Variants in TMEM170A observed in about 807,000 individuals in gnomAD.
TMEM170A encodes transmembrane protein 170.
A neutral mutation model predicts 12.8 loss-of-function variants in TMEM170A; 18 were observed. The observed-to-expected ratio is 1.41, with a 90% CI of 0.97 to 2.09. The LOEUF is 2.09. Ranked by LOEUF, TMEM170A falls within the 30% of genes most tolerant of loss-of-function variation. The probability of loss-of-function intolerance (pLI) is 0.00; values close to 1 mark genes in which losing one functional copy is unlikely to be tolerated. For synonymous variants in TMEM170A, 107 were observed against 76.2 expected (o/e 1.40, Z -2.11); for missense variants, 220 against 179.9 (o/e 1.22, Z -1.28).
chr16:75,452,448 T>A (rs1037778660), intron 1 of TMEM170A, among the ~76,000 whole-genome samples: 5 of 150,860 alleles, frequency 3.3e-5, no homozygotes, highest in Admixed American at 6.6e-5. Flanking sequence ...CTTTTTTTTT[T>A]AATTTTCTTT....
chr16:75,445,521 T>C lies in TMEM170A; in HGVS notation c.*2037A>G, dbSNP rs868311472. 1.2e-4 allele frequency: 19 copies of C among 152,358 alleles called. No homozygotes were observed. The highest frequency in any genetic ancestry group is 4.3e-4 in the African/African-American group (18 of 41,546). 9.4% of individuals were successfully genotyped at this position (152,358 alleles called of 1,614,324 possible). ...TATGTTGCCCAGGCCAGTCTTGAAC[T>C]CTTGGGCTCAAGCAATCCTCCCACA... On this transcript the variant is annotated 3_prime_UTR_variant, in exon 3 of 3. Transcript: ENST00000561878.
intron 1 of TMEM170A, among the ~76,000 whole-genome samples, chr16:75,463,217 TTAATC>T (rs1567706579): frequency 1.3e-5 from 2 of 152,186 alleles, no homozygotes; most frequent in Admixed American, 6.6e-5. Context: ...GAAACAAAGA[TTAATC>T]TGGTCCCAGT....
chr16:75,451,827 C>T lies in TMEM170A; in HGVS notation c.146G>A (p.Gly49Asp), dbSNP rs766543123. The T allele has an allele frequency of 2.5e-6, 4 of 1,612,024 alleles. No individual in the cohort carries two copies. The highest frequency in any genetic ancestry group is 2.7e-5 in the African/African-American group (2 of 74,854). ...SLCSFPEMWY[G>D]VFLWALVSSL... ...AGACACCAGTGCCCACAGGAATACA[C>T]CATACCACATCTCTATGAGGGAAGA... Residue 49 changes from glycine (G) to aspartate (D), a missense_variant, in exon 2 of 3, where the codon GGT becomes GAT. Coordinates refer to ENST00000561878, the MANE Select transcript of TMEM170A (RefSeq NM_145254.3).
In TMEM170A at chr16:75,444,212, TAA is replaced by T. The variant is rs2151620095; in HGVS notation, c.*3344_*3345del. The T allele has an allele frequency of 6.6e-6, 1 of 152,310 alleles. No individual in the cohort carries two copies. Among genetic ancestry groups the T allele is most frequent in the East Asian group, 1.9e-4 (1 of 5,176 alleles). 9.4% of individuals were successfully genotyped at this position (152,310 alleles called of 1,614,324 possible). A position where few individuals can be genotyped will look rare whatever the true frequency, so the allele number is the denominator to read the frequency against. The stretch of plus-strand genomic sequence containing the variant: ...GGCCGGGTGTGGTGGCTCATGCCTG[TAA>T]TCCCAGCACTTTGGGAGGTGGAGGC... On this transcript the variant is annotated 3_prime_UTR_variant, in exon 3 of 3. Transcript: ENST00000561878.
intron 2 of TMEM170A, among the ~76,000 whole-genome samples, chr16:75,449,000 G>A (rs1284851514): frequency 1.3e-5 from 2 of 151,994 alleles, no homozygotes; most frequent in South Asian, 2.1e-4. Context: ...GGTCAAGGCT[G>A]CAGTGAGCTG....
chr16:75,454,344 C>T lies in TMEM170A; in HGVS notation c.134-2505G>A, dbSNP rs188566929. On this transcript the variant is annotated intron_variant, in intron 1 of 2. Transcript: ENST00000561878. ...CTTTATAAGAGCCATGATGGCCGGGCGTGGTAGCTCACACCTGTAATCCCA... is the reference window on the plus strand; with the variant it reads ...CTTTATAAGAGCCATGATGGCCGGGTGTGGTAGCTCACACCTGTAATCCCA... 6.6e-3 allele frequency among the ~76,000 whole-genome samples: 1,005 copies of T among 152,260 alleles called. 11 individuals carry two copies. The highest frequency in any genetic ancestry group is 0.017 in the Middle Eastern group (5 of 294).
At chr16:75,463,582 C>T (rs2079943877) in intron 1 of TMEM170A, among the ~76,000 whole-genome samples, 1 of 152,374 alleles carries the variant, frequency 6.6e-6, no homozygotes, top group South Asian at 2.1e-4. Context: ...TCCCTCTGCT[C>T]TGGTCCCTCA....
chr16:75,452,393 G>T (rs2079705492), intron 1 of TMEM170A, among the ~76,000 whole-genome samples: 1 of 152,174 alleles, frequency 6.6e-6, no homozygotes, highest in South Asian at 2.1e-4. Context: ...TCAGCCTCCG[G>T]AGTGGCTGGA....
chr16:75,459,463 C>G (rs1463744831), intron 1 of TMEM170A, among the ~76,000 whole-genome samples: 1 of 152,188 alleles, frequency 6.6e-6, no homozygotes, highest in African/African-American at 2.4e-5. Flanking sequence ...TGGCCCCACT[C>G]TCATCTTGTG....
chr16:75,448,547 G>A (rs988599783), intron 2 of TMEM170A, among the ~76,000 whole-genome samples: 18 of 152,134 alleles, frequency 1.2e-4, no homozygotes, highest in African/African-American at 4.3e-4. Flanking sequence ...TGGATCATCT[G>A]AGCTCAGGAG....
rs2079530083 is a variant in TMEM170A, at chr16:75,443,122, A to G, written c.*4436T>C. Reference sequence around the variant, plus strand: ...TTTATCATAAATTAGTAAGAAGTAGAACATAAAAAAAGTTACACATGCTAG... The same window carrying G: ...TTTATCATAAATTAGTAAGAAGTAGGACATAAAAAAAGTTACACATGCTAG... On this transcript the variant is annotated 3_prime_UTR_variant, in exon 3 of 3. Transcript: ENST00000561878. The G allele has an allele frequency of 6.6e-6, 1 of 152,206 alleles. No homozygotes were observed. Among genetic ancestry groups the G allele is most frequent in the Non-Finnish European group, 1.5e-5 (1 of 68,036 alleles). The allele number at this position is 152,206 out of a possible 1,614,324, so 9.4% of individuals were successfully genotyped here.
intron 1 of TMEM170A, among the ~76,000 whole-genome samples, chr16:75,456,712 G>A (rs1000118170): frequency 9.9e-5 from 15 of 152,202 alleles, no homozygotes; most frequent in Non-Finnish European, 1.6e-4. Context: ...AGCAGTGCCT[G>A]CATCTGGATA....
At chr16:75,464,368 G>T in intron 1 of TMEM170A, 100 bp downstream of exon 1, 1 of 1,378,148 alleles carries the variant, frequency 7.3e-7, no homozygotes, top group Non-Finnish European at 9.4e-7. Context: ...CACGCCGCCA[G>T]CAGGCTGCGC....
At position 75,444,697 on chromosome 16, in the gene TMEM170A, C is replaced by T. The variant is rs985501347; in HGVS notation, c.*2861G>A. 2 of 150,556 alleles carry T rather than the reference C, an allele frequency of 1.3e-5. No individual in the cohort carries two copies. The highest frequency in any genetic ancestry group is 4.9e-5 in the African/African-American group (2 of 40,662). 9.3% of individuals were successfully genotyped at this position (150,556 alleles called of 1,614,324 possible). On this transcript the variant is annotated 3_prime_UTR_variant, in exon 3 of 3. Coordinates refer to ENST00000561878, the MANE Select transcript of TMEM170A (RefSeq NM_145254.3). Reference sequence around the variant, plus strand: ...AACATTTCAAGCTACACCGCTCAAGCTATTTAAAATCTATATATATATATA... The same window carrying T: ...AACATTTCAAGCTACACCGCTCAAGTTATTTAAAATCTATATATATATATA...
rs141809170 is a variant in TMEM170A, at chr16:75,455,281, C to T, written c.134-3442G>A. ...CTGAGGCAGGAGAATAGTGTGAACTCGGGAGGCGGAGCTTGCAGTGAGCCG... is the reference window on the plus strand; with the variant it reads ...CTGAGGCAGGAGAATAGTGTGAACTTGGGAGGCGGAGCTTGCAGTGAGCCG... On this transcript the variant is annotated intron_variant, in intron 1 of 2. Coordinates refer to ENST00000561878, the MANE Select transcript of TMEM170A (RefSeq NM_145254.3). Among the ~76,000 whole-genome samples, 691 of 144,778 alleles carry T rather than the reference C, an allele frequency of 4.8e-3. 3 individuals are homozygous for T. The highest frequency in any genetic ancestry group is 0.016 in the African/African-American group (638 of 39,134). 95.0% of individuals were successfully genotyped at this position (144,778 alleles called of 152,430 possible).
rs139983304 is a variant in TMEM170A at position 75,455,665 on chromosome 16, C to T, written c.134-3826G>A. ...TAAAAATACGTAAAAATTAGCCGGG[C>T]GTGGTGGCAAATGCCTGTAATCCCA... is the stretch of plus-strand genomic sequence containing the variant. On this transcript the variant is annotated intron_variant, in intron 1 of 2. Coordinates refer to ENST00000561878, the MANE Select transcript of TMEM170A (RefSeq NM_145254.3). Among the ~76,000 whole-genome samples, 373 of 152,120 alleles carry T rather than the reference C, an allele frequency of 2.5e-3. 1 individual carries two copies. Among genetic ancestry groups the T allele is most frequent in the African/African-American group, 8.6e-3 (359 of 41,510 alleles).
In TMEM170A at chr16:75,444,914, T is replaced by C. The variant is rs777572903; in HGVS notation, c.*2644A>G. 2.0e-5 allele frequency: 3 copies of C among 152,156 alleles called. No individual in the cohort carries two copies. Among genetic ancestry groups the C allele is most frequent in the South Asian group, 4.1e-4 (2 of 4,830 alleles). 9.4% of individuals were successfully genotyped at this position (152,156 alleles called of 1,614,324 possible). A position where few individuals can be genotyped will look rare whatever the true frequency, so the allele number is the denominator to read the frequency against. On this transcript the variant is annotated 3_prime_UTR_variant, in exon 3 of 3. Transcript: ENST00000561878. Reference sequence around the variant, plus strand: ...GCTCCAGTGAAAAATATCTAACATTTTAATCATGTATCAGTACTTCAAAAG... The same window carrying C: ...GCTCCAGTGAAAAATATCTAACATTCTAATCATGTATCAGTACTTCAAAAG...
At chr16:75,459,166 T>C (rs183527053) in intron 1 of TMEM170A, among the ~76,000 whole-genome samples, 34 of 152,320 alleles carry the variant, frequency 2.2e-4, no homozygotes, top group African/African-American at 7.5e-4. Flanking sequence ...AGTGCTGGGA[T>C]TACAGGCATG....
chr16:75,451,095 A>G (rs530401706), intron 2 of TMEM170A, among the ~76,000 whole-genome samples: 1 of 152,340 alleles, frequency 6.6e-6, no homozygotes, highest in Admixed American at 6.5e-5. Context: ...GTAGCTTCCA[A>G]AAAGATAAAT....
Sources: gnomAD v4.1 joint callset for allele counts (sites outside exome capture counted in the v4.1 genomes callset) on GRCh38, gnomAD v4.1.1 for gene constraint, MANE v1.5 for transcripts, NCBI Gene and HGNC (gene_info 2026-07-23, HGNC 2026-07-21) for gene names.